The following PLCL2 variants were observed in gnomAD, a reference collection of about 807,000 sequenced individuals.
PLCL2 encodes phospholipase C like 2.
In PLCL2, 4 loss-of-function variants were observed where a neutral mutation model predicts 79.6. The observed-to-expected ratio is 0.05, with a 90% CI of 0.02 to 0.11. PLCL2 has a LOEUF of 0.11. Among genes scored for constraint, PLCL2 ranks in the 10% least tolerant of loss-of-function variants. The pLI, the probability that PLCL2 is intolerant of heterozygous loss-of-function variation, is 1.00. For missense variants in PLCL2, 895 were observed against 1,291.0 expected (o/e 0.69, Z 4.70); for synonymous variants, 484 against 457.7 (o/e 1.06, Z -0.73).
intron 1 of PLCL2, among the ~76,000 whole-genome samples, chr3:16,938,380 C>T (rs1697594585): frequency 6.6e-6 from 1 of 151,984 alleles, no homozygotes; most frequent in Admixed American, 6.6e-5. Flanking sequence ...TTATAGAAAA[C>T]AAGAGTTCGG....
At chr3:16,918,427 G>T (rs999973701) in intron 1 of PLCL2, among the ~76,000 whole-genome samples, 2 of 152,084 alleles carry the variant, frequency 1.3e-5, no homozygotes, top group African/African-American at 4.8e-5. Context: ...ATTTATGATA[G>T]ATTTTTATGT....
At chr3:16,918,248 G>A (rs984813441) in intron 1 of PLCL2, among the ~76,000 whole-genome samples, 1 of 152,120 alleles carries the variant, frequency 6.6e-6, no homozygotes, top group Non-Finnish European at 1.5e-5. Flanking sequence ...GAAGACAAAA[G>A]GAGAGAGATG....
chr3:17,063,693 T>G (rs2064979856), intron 4 of PLCL2, among the ~76,000 whole-genome samples: 1 of 152,176 alleles, frequency 6.6e-6, no homozygotes, highest in Non-Finnish European at 1.5e-5. Context: ...TCACATGCTC[T>G]TTAAATTATC....
intron 1 of PLCL2, among the ~76,000 whole-genome samples, chr3:16,937,630 G>C (rs1697572335): frequency 6.6e-6 from 1 of 152,218 alleles, no homozygotes; most frequent in Non-Finnish European, 1.5e-5. Context: ...GCACCCACCT[G>C]CTGTGGAAAA....
At chr3:16,982,211 T>C (rs2064005801) in intron 1 of PLCL2, among the ~76,000 whole-genome samples, 1 of 152,208 alleles carries the variant, frequency 6.6e-6, no homozygotes, top group Non-Finnish European at 1.5e-5. Context: ...AAATCTTTCT[T>C]CAAATTTTAA....
In PLCL2 at chr3:17,011,512, A is replaced by G; in HGVS notation, c.2166A>G (p.Gly722=). ...DLNIGWFRQN[G]NCGYVLRPAI... is the part of the protein sequence containing the mutation. ...ATATTGGCTGGTTTAGGCAGAACGG[A>G]AACTGTGGCTATGTCCTCCGGCCAG... The change falls in exon 2 of 6, where the codon GGA becomes GGG. Residue 722 remains glycine (G), a synonymous_variant. Transcript: ENST00000615277. The surrounding 1 kb of genome is among the most constrained non-coding windows in gnomAD (Gnocchi z 7.9). 1 of 1,614,156 alleles carries G rather than the reference A, an allele frequency of 6.2e-7. No individual in the cohort carries two copies. The highest frequency in any genetic ancestry group is 8.5e-7 in the Non-Finnish European group (1 of 1,180,026).
intron 1 of PLCL2, among the ~76,000 whole-genome samples, chr3:16,938,330 A>G (rs1483422804): frequency 6.6e-6 from 1 of 152,226 alleles, no homozygotes; most frequent in Non-Finnish European, 1.5e-5. Flanking sequence ...GCTTCCAATG[A>G]TCATTTCAAT....
chr3:16,937,803 A>G (rs1697577215), intron 1 of PLCL2, among the ~76,000 whole-genome samples: 1 of 152,136 alleles, frequency 6.6e-6, no homozygotes, highest in African/African-American at 2.4e-5. Flanking sequence ...TTTCTTTTTT[A>G]TGAACGCTGA....
intron 4 of PLCL2, among the ~76,000 whole-genome samples, chr3:17,056,720 T>C (rs1211279890): frequency 6.6e-6 from 1 of 152,162 alleles, no homozygotes; most frequent in Non-Finnish European, 1.5e-5. Flanking sequence ...TAATTACTTA[T>C]TGGAGATGCA....
intron 3 of PLCL2, among the ~76,000 whole-genome samples, chr3:17,016,548 CAT>C (rs990377093): frequency 3.3e-5 from 5 of 152,160 alleles, no homozygotes; most frequent in African/African-American, 1.2e-4. Context: ...CACAAAGACT[CAT>C]ATGAACAGCC....
Position 17,079,035 on chromosome 3 carries a change from CAT to C in PLCL2, c.3205-10697_3205-10696del, listed in dbSNP as rs533671564. On this transcript the variant is annotated intron_variant, in intron 5 of 5. Transcript: ENST00000615277. ...AAACCTCAAACATTGGGACCCCACT[CAT>C]GTGGAGTTTGTGATTACTCAGCTAA... is the stretch of plus-strand genomic sequence containing the variant. Among the ~76,000 whole-genome samples, 361 of 152,324 alleles carry C rather than the reference CAT, an allele frequency of 2.4e-3. 2 individuals carry two copies. Among genetic ancestry groups the C allele is most frequent in the Non-Finnish European group, 1.0e-3 (69 of 68,038 alleles).
chr3:17,035,758 T>C (rs1233650249), intron 3 of PLCL2: 1 of 516,732 alleles, frequency 1.9e-6, no homozygotes, highest in Admixed American at 1.9e-5. Context: ...TATCCATGTT[T>C]CCTTACATTC....
intron 1 of PLCL2, among the ~76,000 whole-genome samples, chr3:16,962,935 T>C (rs2063769676): frequency 6.6e-6 from 1 of 152,138 alleles, no homozygotes; most frequent in South Asian, 2.1e-4. Context: ...TGAACCAATA[T>C]ATCTTTTCAA....
chr3:17,008,273 TC>T (rs2064283015), intron 1 of PLCL2, among the ~76,000 whole-genome samples: 2 of 150,840 alleles, frequency 1.3e-5, no homozygotes, highest in Admixed American at 1.3e-4. Flanking sequence ...GCCCTTCATC[TC>T]AGACTTACAT....
intron 1 of PLCL2, among the ~76,000 whole-genome samples, chr3:17,004,930 G>C (rs1431789555): frequency 6.6e-6 from 1 of 152,034 alleles, no homozygotes; most frequent in African/African-American, 2.4e-5. Flanking sequence ...CTTGATTCAA[G>C]CAAACCAGAG....
intron 4 of PLCL2, among the ~76,000 whole-genome samples, chr3:17,060,994 GA>G (rs1159365123): frequency 1.3e-5 from 2 of 152,148 alleles, no homozygotes; most frequent in Non-Finnish European, 2.9e-5. Context: ...ATTTTCAGTT[GA>G]AAAACTAATC....
chr3:17,059,201 A>G (rs2064920390), intron 4 of PLCL2, among the ~76,000 whole-genome samples: 1 of 152,082 alleles, frequency 6.6e-6, no homozygotes, highest in Non-Finnish European at 1.5e-5. Context: ...ATGGAACATT[A>G]TGCCACTGTA....
rs114979983 is a variant in PLCL2, at chr3:16,915,877, C to T, written c.327+30511C>T. Among the ~76,000 whole-genome samples the T allele has an allele frequency of 5.5e-3, 831 of 152,266 alleles. 7 individuals are homozygous for T. Among genetic ancestry groups the T allele is most frequent in the Non-Finnish European group, 8.5e-3 (580 of 68,016 alleles). On this transcript the variant is annotated intron_variant, in intron 1 of 5. Transcript: ENST00000615277. ...GAAAGGATAGAGAGAGAAGGAGGGA[C>T]GCCTCATTCAGCTTACATTTCAGAA...
intron 2 of PLCL2, 42 bp from the exon 3 acceptor site, chr3:17,014,666 C>A (rs2064363909): frequency 2.8e-6 from 4 of 1,449,438 alleles, no homozygotes; most frequent in South Asian, 1.1e-5. Flanking sequence ...GAAAGTAAAA[C>A]CCCCAGTTAA....
Sources: gnomAD v4.1 joint callset for allele counts (sites outside exome capture counted in the v4.1 genomes callset) on GRCh38, gnomAD v4.1.1 for gene constraint, Gnocchi (gnomAD v3.1) non-coding constraint, MANE v1.5 for transcripts, NCBI Gene and HGNC (gene_info 2026-07-23, HGNC 2026-07-21) for gene names.